HMSD: variants seen among roughly 807,000 people sequenced by gnomAD.
HMSD encodes histocompatibility minor serpin domain containing.
In HMSD, 13 loss-of-function variants were observed where a neutral mutation model predicts 10.0. The ratio of observed to expected loss-of-function variants is 1.31; its 90% CI spans 0.85 to 2.08. The LOEUF (loss-of-function observed/expected upper bound fraction) is 2.08. HMSD is among the 30% of genes most tolerant of loss of function. The probability of loss-of-function intolerance (pLI) is 0.00; values close to 1 mark genes in which losing one functional copy is unlikely to be tolerated. For synonymous variants in HMSD, 51 were observed against 54.2 expected, an observed-to-expected ratio of 0.94 and a Z score of 0.26; for missense variants, 169 against 166.3, an observed-to-expected ratio of 1.02 and a Z score of -0.09.
At chr18:63,963,106 TTTC>T (rs879507294), downstream of HMSD, among the ~76,000 whole-genome samples, 1,026 of 135,598 alleles carry the variant, frequency 7.6e-3, 11 homozygotes, top group Non-Finnish European at 9.7e-3. Flanking sequence ...TCTTTCTTTC[TTTC>T]TTTCTTTCTT....
chr18:63,952,454 T>C (rs2050336219), intron 1 of HMSD, among the ~76,000 whole-genome samples: 1 of 152,160 alleles, frequency 6.6e-6, no homozygotes. Context: ...TATCCAGAAA[T>C]ATGTGATGTT....
At position 63,950,500 on chromosome 18, in the gene HMSD, T is replaced by C. The variant is rs528400482; in HGVS notation, c.-103+1100T>C. 3.4e-5 allele frequency among the ~76,000 whole-genome samples: 5 copies of C among 148,862 alleles called. No homozygotes were observed. The South Asian group carries it at 1.1e-3, about 32-fold the overall frequency. On this transcript the variant is annotated intron_variant, in intron 1 of 3. Coordinates refer to ENST00000408945, the MANE Select transcript of HMSD (RefSeq NM_001123366.2). ...TTTCAATAATGTTTACAAGAAATGC[T>C]GTGTGATGATTCATATACGACTGCT...
Position 63,953,544 on chromosome 18 carries a change from C to T in HMSD, c.72+17C>T, listed in dbSNP as rs2050342145. ...ATGTCTCAGGTACGTAAAGCCACTTCAAGACAACAATAAGTGCTATCAATT... is the reference window on the plus strand; with the variant it reads ...ATGTCTCAGGTACGTAAAGCCACTTTAAGACAACAATAAGTGCTATCAATT... On this transcript the variant is annotated intron_variant, in intron 2 of 3. Transcript: ENST00000408945. The T allele has an allele frequency of 1.3e-6, 2 of 1,597,524 alleles. No homozygotes were observed. Among genetic ancestry groups the T allele is most frequent in the South Asian group, 2.2e-5 (2 of 90,644 alleles).
intron 1 of HMSD, among the ~76,000 whole-genome samples, chr18:63,950,415 C>CAAAAAAAAAAAAAAAAAA (rs562421091): frequency 3.3e-4 from 13 of 39,068 alleles, no homozygotes; most frequent in African/African-American, 6.5e-4. Flanking sequence ...GACTCTCTCT[C>CAAAAAAAAAAAAAAAAAA]AAAAAAAAAA....
intron 3 of HMSD, among the ~76,000 whole-genome samples, chr18:63,955,648 G>A (rs1417546815): frequency 6.6e-6 from 1 of 152,144 alleles, no homozygotes; most frequent in Non-Finnish European, 1.5e-5. Context: ...GTGGGGCCAA[G>A]ATGGCCGACT....
intron 2 of HMSD, 107 bp downstream of exon 2, chr18:63,953,634 TG>T (rs2050342527): frequency 1.1e-6 from 1 of 873,522 alleles, no homozygotes; most frequent in Admixed American, 2.0e-5. Flanking sequence ...CAGACAACTC[TG>T]GTAGTCTCAC....
chr18:63,956,448 T>C (rs2050358988), intron 3 of HMSD, among the ~76,000 whole-genome samples: 1 of 151,838 alleles, frequency 6.6e-6, no homozygotes, highest in Non-Finnish European at 1.5e-5. Context: ...TTTCAAAAGA[T>C]GACATATGCG....
chr18:63,950,382 C>T (rs1315871638), intron 1 of HMSD, among the ~76,000 whole-genome samples: 1 of 128,230 alleles, frequency 7.8e-6, no homozygotes, highest in Non-Finnish European at 1.5e-5. Context: ...CACCACTGCA[C>T]TCCAGCCTGA....
At chr18:63,967,279 A>T (rs1599116192) in intron 3 of HMSD, among the ~76,000 whole-genome samples, 1 of 152,116 alleles carries the variant, frequency 6.6e-6, no homozygotes. Flanking sequence ...GGTTACAGGC[A>T]CCTGCCACCA....
At chr18:63,966,284 A>G (rs2050409301), downstream of HMSD, 2 of 152,360 alleles carry the variant, frequency 1.3e-5, no homozygotes, top group South Asian at 2.1e-4. Flanking sequence ...AAGCAGTACA[A>G]ATTTGTCTGG....
At chr18:63,964,126 C>T (rs907668214), downstream of HMSD, among the ~76,000 whole-genome samples, 2 of 152,222 alleles carry the variant, frequency 1.3e-5, no homozygotes. Flanking sequence ...GTTTCATAGC[C>T]ACTGCAGACT....
chr18:63,963,071 CTCTTTCTTTCTTTCTT>C (rs58573319), downstream of HMSD, among the ~76,000 whole-genome samples: 6,972 of 104,410 alleles, frequency 0.067, 259 homozygotes, highest in East Asian at 0.086. Flanking sequence ...TCTTTTCTTT[CTCTTTCTTTCTTTCTT>C]TCTTTCTTTC....
chr18:63,960,051 T>C (rs1464051160), intron 3 of HMSD, 107 bp from the exon 4 acceptor site: 7 of 1,114,832 alleles, frequency 6.3e-6, no homozygotes, highest in Non-Finnish European at 9.0e-6. Flanking sequence ...AAATTATATA[T>C]GGTAAATCAT....
chr18:63,962,832 C>G (rs577773989), downstream of HMSD, among the ~76,000 whole-genome samples: 1 of 152,272 alleles, frequency 6.6e-6, no homozygotes, highest in Admixed American at 6.5e-5. Context: ...CTTTCCTTTC[C>G]TGAGCTGAAG....
rs2050342767 is a variant in HMSD at position 63,953,679 on chromosome 18, T to C, written c.72+152T>C. On this transcript the variant is annotated intron_variant, in intron 2 of 3. Coordinates refer to ENST00000408945, the MANE Select transcript of HMSD (RefSeq NM_001123366.2). ...GATGGAGAATTGGCAGGATGGAGCA[T>C]GTTTTCAAGGCCTGACCTTCTTGGT... 1.4e-5 allele frequency: 10 copies of C among 700,626 alleles called. No individual in the cohort carries two copies. The East Asian group carries it at 2.2e-4, about 16-fold the overall frequency. 43.4% of individuals were successfully genotyped at this position (700,626 alleles called of 1,614,324 possible). A position where few individuals can be genotyped will look rare whatever the true frequency, so the allele number is the denominator to read the frequency against.
Position 63,954,523 on chromosome 18 carries a change from G to A in HMSD, c.188G>A (p.Gly63Glu), listed in dbSNP as rs777553623. 3.7e-6 allele frequency: 6 copies of A among 1,612,294 alleles called. No homozygotes were observed. The highest frequency in any genetic ancestry group is 1.1e-5 in the South Asian group (1 of 90,836). ...GAATATGTGCTTAGAACTGCCAACG[G>A]GCTCTTTGGAGAAAAGTCTTATGAT... ...DTEYVLRTANGLFGEKSYDFL... is the reference protein window; with the variant it reads ...DTEYVLRTANELFGEKSYDFL... Residue 63 changes from glycine to glutamate, a missense_variant, in exon 3 of 4, where the codon GGG (glycine) becomes GAG (glutamate). Physicochemically the swap from Gly to Glu is moderately conservative, Grantham distance 98 (BLOSUM62 -2). Transcript: ENST00000408945.
chr18:63,958,872 C>T (rs2050372408), intron 3 of HMSD, among the ~76,000 whole-genome samples: 1 of 152,028 alleles, frequency 6.6e-6, no homozygotes, highest in Admixed American at 6.5e-5. Context: ...GAACAACAGA[C>T]TCATATTTAT....
At chr18:63,963,168 C>G (rs1253581091), downstream of HMSD, among the ~76,000 whole-genome samples, 2 of 145,910 alleles carry the variant, frequency 1.4e-5, no homozygotes, top group African/African-American at 5.1e-5. Context: ...TTCTTTCTCT[C>G]TCTCTCCCTT....
At chr18:63,963,215 C>G (rs1308657588), downstream of HMSD, among the ~76,000 whole-genome samples, 2 of 74,152 alleles carry the variant, frequency 2.7e-5, no homozygotes, top group African/African-American at 2.5e-4. Flanking sequence ...TTCCTTCCTT[C>G]CTTCCTTCCT....
Sources: gnomAD v4.1 joint callset for allele counts (sites outside exome capture counted in the v4.1 genomes callset) on GRCh38, gnomAD v4.1.1 for gene constraint, MANE v1.5 for transcripts, NCBI Gene and HGNC (gene_info 2026-07-23, HGNC 2026-07-21) for gene names.